The following SCN8A variants were observed in gnomAD, a reference collection of about 807,000 sequenced individuals.
SCN8A encodes the protein sodium voltage-gated channel alpha subunit 8.
Under a neutral mutation model 184.1 loss-of-function variants are expected in SCN8A, and 30 were observed. That is an observed-to-expected ratio of 0.16 (90% CI 0.12 to 0.22). SCN8A has a LOEUF of 0.22. Among genes scored for constraint, SCN8A ranks in the 10% least tolerant of loss-of-function variants. The pLI, the probability that SCN8A is intolerant of heterozygous loss-of-function variation, is 1.00. For synonymous variants in SCN8A, 852 were observed against 907.0 expected (o/e 0.94, Z 1.09); for missense variants, 1,057 against 2,498.9 (o/e 0.42, Z 12.30).
At chr12:51,753,916 T>TA (rs1942633545) in intron 14 of SCN8A, among the ~76,000 whole-genome samples, 1 of 152,190 alleles carries the variant, frequency 6.6e-6, no homozygotes. Context: ...ACTTGTGAAA[T>TA]AAAGTATGAC....
chr12:51,757,680 G>A (rs1282708123), intron 14 of SCN8A, among the ~76,000 whole-genome samples: 3 of 152,168 alleles, frequency 2.0e-5, no homozygotes, highest in African/African-American at 7.2e-5. Flanking sequence ...CCAGCTCTTT[G>A]GGAGGCCGAG....
Position 51,690,251 on chromosome 12 carries a change from G to C in SCN8A, c.706+1155G>C, listed in dbSNP as rs115330370. Among the ~76,000 whole-genome samples the C allele has an allele frequency of 8.2e-3, 1,251 of 152,286 alleles. 21 individuals carry two copies. The highest frequency in any genetic ancestry group is 0.029 in the African/African-American group (1,215 of 41,556). ...AGACCAGGCTTTCCACAGCAGTTTCGTAGAAATAGGAATGTGGAGAAAGAA... is the reference window on the plus strand; with the variant it reads ...AGACCAGGCTTTCCACAGCAGTTTCCTAGAAATAGGAATGTGGAGAAAGAA... On this transcript the variant is annotated intron_variant, in intron 6 of 26. Coordinates refer to ENST00000627620, the MANE Select transcript of SCN8A (RefSeq NM_001330260.2).
chr12:51,759,530 C>G (rs1393052977), intron 14 of SCN8A, among the ~76,000 whole-genome samples: 1 of 152,124 alleles, frequency 6.6e-6, no homozygotes, highest in Non-Finnish European at 1.5e-5. Context: ...AATTGTTTTT[C>G]TAGAATTTTT....
chr12:51,602,997 G>A (rs562784412), intron 1 of SCN8A, among the ~76,000 whole-genome samples: 2 of 152,020 alleles, frequency 1.3e-5, no homozygotes, highest in East Asian at 3.9e-4. Flanking sequence ...ATTTTAAACA[G>A]CTTTTGTTTT....
At chr12:51,618,915 T>A (rs572209123) in intron 1 of SCN8A, among the ~76,000 whole-genome samples, 2 of 152,256 alleles carry the variant, frequency 1.3e-5, no homozygotes, top group South Asian at 2.1e-4. Flanking sequence ...AAATGTTTTT[T>A]AAAATATATA....
chr12:51,742,734 A>G (rs1942447211), intron 12 of SCN8A, among the ~76,000 whole-genome samples: 1 of 151,880 alleles, frequency 6.6e-6, no homozygotes, highest in Non-Finnish European at 1.5e-5. Flanking sequence ...GAATGTTGAT[A>G]TCTTTCTCTA....
chr12:51,645,441 C>T (rs955781492), intron 1 of SCN8A, among the ~76,000 whole-genome samples: 1 of 152,178 alleles, frequency 6.6e-6, no homozygotes, highest in Non-Finnish European at 1.5e-5. Flanking sequence ...GGCCACCACC[C>T]TGTCTGGGAG....
At chr12:51,711,816 A>G (rs1427322718) in intron 11 of SCN8A, among the ~76,000 whole-genome samples, 5 of 151,884 alleles carry the variant, frequency 3.3e-5, no homozygotes, top group African/African-American at 1.2e-4. Flanking sequence ...CTATTTATCT[A>G]AAACACACAT....
At position 51,721,740 on chromosome 12, in the gene SCN8A, C is replaced by G. The variant is rs1178224820; in HGVS notation, c.1830C>G (p.Arg610=). 6.2e-7 allele frequency: 1 copy of G among 1,605,142 alleles called. No homozygotes were observed. The highest frequency in any genetic ancestry group is 2.2e-5 in the East Asian group (1 of 44,472). The change falls in exon 12 of 27, where the codon CGC becomes CGG. Residue 610 remains arginine (R), a synonymous_variant. Coordinates refer to ENST00000627620, the MANE Select transcript of SCN8A (RefSeq NM_001330260.2). ...SLFIPIRARE[R]RSSYSGYSGY... ...TCATCCCCATCCGGGCCCGCGAGCGCCGGAGCAGCTACAGCGGCTACAGCG... is the reference window on the plus strand; with the variant it reads ...TCATCCCCATCCGGGCCCGCGAGCGGCGGAGCAGCTACAGCGGCTACAGCG...
intron 1 of SCN8A, among the ~76,000 whole-genome samples, chr12:51,634,326 A>G (rs892394275): frequency 1.3e-5 from 2 of 152,228 alleles, no homozygotes; most frequent in South Asian, 2.1e-4. Context: ...AATTCAGGAT[A>G]GTAGTTGCTT....
At chr12:51,771,794 A>G (rs910019782) in intron 19 of SCN8A, among the ~76,000 whole-genome samples, 6 of 152,212 alleles carry the variant, frequency 3.9e-5, no homozygotes, top group African/African-American at 1.4e-4. Flanking sequence ...GGCACCCAAA[A>G]TGACAGCATG....
chr12:51,617,375 A>G (rs562939250), intron 1 of SCN8A, among the ~76,000 whole-genome samples: 3 of 152,062 alleles, frequency 2.0e-5, no homozygotes, highest in East Asian at 3.9e-4. Flanking sequence ...TGTCATCTCT[A>G]TTATACTATT....
chr12:51,592,892 T>A (rs1047053869), intron 1 of SCN8A, among the ~76,000 whole-genome samples: 1 of 152,018 alleles, frequency 6.6e-6, no homozygotes, highest in East Asian at 1.9e-4. Context: ...CCTCTGCACT[T>A]CTCTTTTCTC....
intron 14 of SCN8A, among the ~76,000 whole-genome samples, chr12:51,753,422 T>C (rs1942625609): frequency 6.6e-6 from 1 of 152,216 alleles, no homozygotes; most frequent in South Asian, 2.1e-4. Flanking sequence ...GGAACTGGCT[T>C]GACGTATAAA....
chr12:51,795,972 G>A (rs138474039), intron 26 of SCN8A, among the ~76,000 whole-genome samples: 5 of 152,014 alleles, frequency 3.3e-5, no homozygotes, highest in East Asian at 3.9e-4. Flanking sequence ...GTTTAAGCCC[G>A]GGAGGTCAAG....
chr12:51,595,963 C>T (rs1019054878), intron 1 of SCN8A, among the ~76,000 whole-genome samples: 1 of 152,150 alleles, frequency 6.6e-6, no homozygotes, highest in Non-Finnish European at 1.5e-5. Flanking sequence ...TACCAAAGTA[C>T]CTCTTGCCTT....
chr12:51,690,637 C>T (rs1015542011), intron 6 of SCN8A, among the ~76,000 whole-genome samples: 22 of 152,228 alleles, frequency 1.4e-4, no homozygotes, highest in Non-Finnish European at 3.2e-4. Flanking sequence ...GCTGGGATTA[C>T]AGGCGTGAAC....
intron 21 of SCN8A, among the ~76,000 whole-genome samples, chr12:51,781,241 G>A (rs115953293): frequency 0.013 from 1,930 of 152,206 alleles, 33 homozygotes; most frequent in African/African-American, 0.041. Context: ...AAGATATGAC[G>A]GCAGGCCTGG....
intron 2 of SCN8A, among the ~76,000 whole-genome samples, chr12:51,672,948 T>C (rs189227170): frequency 9.5e-4 from 144 of 152,362 alleles, no homozygotes; most frequent in African/African-American, 3.3e-3. Context: ...TCCAGGGATC[T>C]GTGAATTTCA....
Sources: gnomAD v4.1 joint callset for allele counts (sites outside exome capture counted in the v4.1 genomes callset) on GRCh38, gnomAD v4.1.1 for gene constraint, MANE v1.5 for transcripts, NCBI Gene and HGNC (gene_info 2026-07-23, HGNC 2026-07-21) for gene names.